MAP3K9: variants seen among roughly 807,000 people sequenced by gnomAD.
MAP3K9 encodes the protein mitogen-activated protein kinase kinase kinase 9, also known as mixed lineage kinase 1 (tyr and ser/thr specificity).
In MAP3K9, 46 loss-of-function variants were observed where a neutral mutation model predicts 95.8. The observed-to-expected ratio is 0.48, with a 90% CI of 0.38 to 0.61. MAP3K9 has a LOEUF of 0.61. MAP3K9 is among the 20% of genes least tolerant of loss of function. MAP3K9 has a pLI of 0.00. For synonymous variants in MAP3K9, 533 were observed against 593.8 expected (o/e 0.90, Z 1.49); for missense variants, 1,296 against 1,474.3 (o/e 0.88, Z 1.98).
chr14:70,735,870 G>T, intron 9 of MAP3K9, 91 bp downstream of exon 9: 1 of 1,029,354 alleles, frequency 9.7e-7, no homozygotes, highest in Non-Finnish European at 1.5e-6. Flanking sequence ...CAATAACGAG[G>T]CTTGATTCTA....
chr14:70,776,061 C>T (rs1594797702), intron 2 of MAP3K9, among the ~76,000 whole-genome samples: 1 of 151,700 alleles, frequency 6.6e-6, no homozygotes, highest in African/African-American at 2.4e-5. Flanking sequence ...TGATGGCGGG[C>T]GCCTGTAATC....
intron 10 of MAP3K9, among the ~76,000 whole-genome samples, chr14:70,734,104 C>T (rs1014659203): frequency 6.6e-6 from 1 of 152,220 alleles, no homozygotes; most frequent in African/African-American, 2.4e-5. Flanking sequence ...GACGGCCTGT[C>T]ATGGGACTTT....
Position 70,749,980 on chromosome 14 carries a change from AG to A in MAP3K9, c.1102del (p.Leu368PhefsTer36). On this transcript the variant is annotated frameshift_variant, in exon 4 of 12. Coordinates refer to ENST00000554752, the MANE Select transcript of MAP3K9 (RefSeq NM_001284230.2). LOFTEE classifies it high-confidence loss of function. ...AYGVAMNKLA[L>X]PIPSTCPEPF... is the part of the protein sequence containing the mutation. Reference sequence around the variant, plus strand: ...TTCTGGGCACGTAGAAGGAATAGGAAGGGCGAGTTTGTTCATGGCCACTCCA... The same window carrying A: ...TTCTGGGCACGTAGAAGGAATAGGAAGGCGAGTTTGTTCATGGCCACTCCA... 1 of 1,614,194 alleles carries A rather than the reference AG, an allele frequency of 6.2e-7. No homozygotes were observed. Among genetic ancestry groups the A allele is most frequent in the Non-Finnish European group, 8.5e-7 (1 of 1,180,018 alleles).
rs533026963 is a variant in MAP3K9 at position 70,749,331 on chromosome 14, T to G, written c.1151-327A>C. Among the ~76,000 whole-genome samples, 16 of 152,316 alleles carry G rather than the reference T, an allele frequency of 1.1e-4. 1 individual carries two copies. In the South Asian group the frequency reaches 3.3e-3, roughly 32 times the overall value. ...CACAATTTACCATGTTACTACCTGA[T>G]TCAAGAACAGACAATGGGGAATTAT... is the stretch of plus-strand genomic sequence containing the variant. On this transcript the variant is annotated intron_variant, in intron 4 of 11. Coordinates refer to ENST00000554752, the MANE Select transcript of MAP3K9 (RefSeq NM_001284230.2).
At chr14:70,783,073 C>T (rs189812435) in intron 2 of MAP3K9, 292 of 164,694 alleles carry the variant, frequency 1.8e-3, no homozygotes, top group Admixed American at 4.1e-3. Context: ...AGTGGGGTCA[C>T]TTTTACTCTT....
chr14:70,786,774 TCTAA>T (rs2054750122), intron 2 of MAP3K9, among the ~76,000 whole-genome samples: 1 of 152,192 alleles, frequency 6.6e-6, no homozygotes, highest in Non-Finnish European at 1.5e-5. Flanking sequence ...TCCAGTAAGC[TCTAA>T]TCATATCTAT....
At position 70,748,824 on chromosome 14, in the gene MAP3K9, T is replaced by C. The variant is rs1433771014; in HGVS notation, c.1326+5A>G. 5 of 1,587,344 alleles carry C rather than the reference T, an allele frequency of 3.1e-6. No individual in the cohort carries two copies. Among genetic ancestry groups the C allele is most frequent in the Non-Finnish European group, 3.4e-6 (4 of 1,171,678 alleles). On this transcript the variant is annotated splice_donor_5th_base_variant and intron_variant, in intron 5 of 11. Transcript: ENST00000554752. ...TTTTTTTGTTGTTTTTTTTGTTTTG[T>C]TTACCTTTTCTTTGGCCCTGAGTTG...
intron 4 of MAP3K9, among the ~76,000 whole-genome samples, chr14:70,749,226 G>A (rs1436442731): frequency 1.3e-5 from 2 of 152,210 alleles, no homozygotes; most frequent in Non-Finnish European, 2.9e-5. Context: ...CAGCAGTTCT[G>A]TACTCATTCC....
chr14:70,740,125 A>G lies in MAP3K9; in HGVS notation c.1607T>C (p.Met536Thr), dbSNP rs147874450. ...GTTGATAAGACTCTTCCTTTTATCC[A>G]TGGTAGGGGAGGCCTGCACCGTGAA... Reference protein sequence around the residue: ...HKFTVQASPTMDKRKSLINSR... With the variant: ...HKFTVQASPTTDKRKSLINSR... Residue 536 changes from methionine to threonine, a missense_variant, in exon 7 of 12, where the codon ATG (methionine) becomes ACG (threonine). Around this residue, in one of 5 missense-constraint regions of MAP3K9, gnomAD observed 377 missense variants for 417.1 expected, o/e 0.90. Transcript: ENST00000554752. The G allele has an allele frequency of 5.6e-6, 9 of 1,614,018 alleles. No homozygotes were observed. The highest frequency in any genetic ancestry group is 2.7e-5 in the African/African-American group (2 of 74,912).
intron 2 of MAP3K9, chr14:70,765,600 T>C (rs2054438995): frequency 6.2e-6 from 3 of 483,446 alleles, no homozygotes; most frequent in Admixed American, 6.6e-5. Context: ...TTGTCTACAA[T>C]ATTCAGTACA....
chr14:70,774,418 C>T (rs1051783505), intron 2 of MAP3K9, among the ~76,000 whole-genome samples: 4 of 152,186 alleles, frequency 2.6e-5, no homozygotes, highest in Admixed American at 2.0e-4. Flanking sequence ...GTAATCTCAG[C>T]ACTTTGGGAG....
chr14:70,751,671 A>G (rs972712028), intron 3 of MAP3K9, among the ~76,000 whole-genome samples: 2 of 152,176 alleles, frequency 1.3e-5, no homozygotes, highest in Non-Finnish European at 2.9e-5. Context: ...GTAAGCCAAG[A>G]TCACGCCACT....
Position 70,733,045 on chromosome 14 carries a change from C to T in MAP3K9, c.2324G>A (p.Cys775Tyr), listed in dbSNP as rs1014191193. 2 of 1,614,054 alleles carry T rather than the reference C, an allele frequency of 1.2e-6. No individual in the cohort carries two copies. Among genetic ancestry groups the T allele is most frequent in the African/African-American group, 2.7e-5 (2 of 74,922 alleles). ...LGFDLLEAGKCQLLPLEEPEP... is the reference protein window; with the variant it reads ...LGFDLLEAGKYQLLPLEEPEP... ...AGGCTCCTCCAGGGGAAGCAGCTGG[C>T]ACTTGCCAGCTTCCAGCAAGTCAAA... Residue 775 changes from cysteine (C) to tyrosine (Y), a missense_variant, in exon 11 of 12, where the codon TGC becomes TAC. Cys to Tyr is a radical substitution (Grantham distance 194). Coordinates refer to ENST00000554752, the MANE Select transcript of MAP3K9 (RefSeq NM_001284230.2).
At position 70,742,487 on chromosome 14, in the gene MAP3K9, A is replaced by G. The variant is rs1425051848; in HGVS notation, c.1431T>C (p.Ile477=). The change falls in exon 6 of 12, where the codon ATT becomes ATC. Residue 477 remains isoleucine, a synonymous_variant. Transcript: ENST00000554752. The part of the protein sequence containing the change: ...RREQELAERE[I]DILERELNII... The stretch of plus-strand genomic sequence containing the variant: ...TGTTGAGCTCCCGTTCCAGGATGTC[A>G]ATCTCCCGCTCGGCCAGCTCCTGCT... 3 of 1,614,034 alleles carry G rather than the reference A, an allele frequency of 1.9e-6. No homozygotes were observed. Among genetic ancestry groups the G allele is most frequent in the East Asian group, 2.2e-5 (1 of 44,894 alleles).
At chr14:70,772,862 G>A (rs1473178438) in intron 2 of MAP3K9, among the ~76,000 whole-genome samples, 2 of 152,152 alleles carry the variant, frequency 1.3e-5, no homozygotes, top group African/African-American at 2.4e-5. Context: ...TTTCAGATAT[G>A]GAGACTGAAA....
intron 8 of MAP3K9, 95 bp from the exon 9 acceptor site, chr14:70,736,124 C>G: frequency 1.2e-6 from 1 of 804,078 alleles, no homozygotes. Context: ...ATTCACACCA[C>G]ATCGCCAGCT....
intron 1 of MAP3K9, among the ~76,000 whole-genome samples, chr14:70,807,285 G>A (rs2054999832): frequency 6.6e-6 from 1 of 152,218 alleles, no homozygotes; most frequent in Non-Finnish European, 1.5e-5. Flanking sequence ...GAGGTCAGGA[G>A]TTCGAGACCA....
intron 1 of MAP3K9, among the ~76,000 whole-genome samples, chr14:70,803,349 A>AC (rs1376679072): frequency 6.6e-6 from 1 of 151,314 alleles, no homozygotes; most frequent in Non-Finnish European, 1.5e-5. Context: ...AAAAAAAAAA[A>AC]AAAAAAAAAA....
chr14:70,753,974 C>T (rs2054265032), intron 3 of MAP3K9, among the ~76,000 whole-genome samples: 1 of 152,182 alleles, frequency 6.6e-6, no homozygotes. Context: ...GGTCAGGGTC[C>T]ATGCTCTGAA....
Sources: gnomAD v4.1 joint callset for allele counts (sites outside exome capture counted in the v4.1 genomes callset) on GRCh38, gnomAD v4.1.1 for gene constraint, gnomAD v4.1.1 regional missense constraint, MANE v1.5 for transcripts, NCBI Gene and HGNC (gene_info 2026-07-23, HGNC 2026-07-21) for gene names.